The following ZNF410 variants were observed in gnomAD, a reference collection of about 807,000 sequenced individuals.
The protein encoded by ZNF410 is zinc finger protein 410, also known as another partner for ARF 1.
ZNF410 carries 18 observed loss-of-function variants against 54.8 expected under a neutral mutation model. The ratio of observed to expected loss-of-function variants is 0.33; its 90% CI spans 0.23 to 0.49. The LOEUF (loss-of-function observed/expected upper bound fraction) is 0.49, where lower values mean the gene tolerates loss of function less well. Ranked by LOEUF, ZNF410 falls within the 20% of genes least tolerant of loss-of-function variation. The pLI, the probability that ZNF410 is intolerant of heterozygous loss-of-function variation, is 0.99. For synonymous variants in ZNF410, 191 were observed against 207.3 expected (o/e 0.92, Z 0.68); for missense variants, 405 against 569.6 (o/e 0.71, Z 2.94).
At chr14:73,926,444 T>C (rs1436998293) in intron 11 of ZNF410, among the ~76,000 whole-genome samples, 3 of 152,148 alleles carry the variant, frequency 2.0e-5, no homozygotes, top group African/African-American at 2.4e-5. Flanking sequence ...GTTTTTGTTT[T>C]TGTTTTGAGA....
At chr14:73,905,911 A>G (rs2055475386) in intron 7 of ZNF410, among the ~76,000 whole-genome samples, 1 of 150,634 alleles carries the variant, frequency 6.6e-6, no homozygotes, top group Admixed American at 6.6e-5. Context: ...ACATATATAC[A>G]CATACATATA....
chr14:73,910,384 T>C (rs1000102421), intron 8 of ZNF410, among the ~76,000 whole-genome samples: 52 of 152,174 alleles, frequency 3.4e-4, no homozygotes, highest in African/African-American at 1.2e-3. Context: ...AATGATTGGC[T>C]GGCTATAAAG....
At chr14:73,931,431 CTT>C (rs2055913335) in intron 11 of ZNF410, 70 bp from the exon 12 acceptor site, 2 of 1,403,836 alleles carry the variant, frequency 1.4e-6, no homozygotes, top group African/African-American at 1.4e-5. Context: ...ACTCTTAATA[CTT>C]TTTACTATGA....
At chr14:73,911,321 G>A (rs961632838) in intron 8 of ZNF410, among the ~76,000 whole-genome samples, 2 of 152,170 alleles carry the variant, frequency 1.3e-5, no homozygotes, top group Non-Finnish European at 2.9e-5. Context: ...ATGACTGGCC[G>A]TGGGAAACAA....
rs762289142 is a variant in ZNF410, at chr14:73,892,144, C to T, written c.-32C>T. 1.2e-6 allele frequency: 2 copies of T among 1,613,590 alleles called. No individual in the cohort carries two copies. Among genetic ancestry groups the T allele is most frequent in the South Asian group, 2.2e-5 (2 of 91,060 alleles). On this transcript the variant is annotated 5_prime_UTR_variant, in exon 2 of 12. Coordinates refer to ENST00000555044, the MANE Select transcript of ZNF410 (RefSeq NM_021188.3). ...TCTGAATTAAATTTGAACTTGTCCC[C>T]TGAATAGCTACAGGTTTTGGAAGCT... is the stretch of plus-strand genomic sequence containing the variant.
intron 11 of ZNF410, chr14:73,927,832 A>ATTTT (rs11461357): frequency 7.3e-4 from 105 of 143,490 alleles, no homozygotes; most frequent in African/African-American, 2.3e-3. Flanking sequence ...TCAACCGGCA[A>ATTTT]TTTTTTTTTT....
rs1206199321 is a variant in ZNF410 at position 73,898,273 on chromosome 14, T to C, written c.580+11T>C. The stretch of plus-strand genomic sequence containing the variant: ...AAACCAGCAGCAATGGTGAGGCCCG[T>C]CGGCATTTTCCTTGCCACTATTCTG... On this transcript the variant is annotated intron_variant, in intron 5 of 11. Coordinates refer to ENST00000555044, the MANE Select transcript of ZNF410 (RefSeq NM_021188.3). The C allele has an allele frequency of 1.2e-6, 2 of 1,613,892 alleles. No individual in the cohort carries two copies. Among genetic ancestry groups the C allele is most frequent in the Non-Finnish European group, 1.7e-6 (2 of 1,179,838 alleles).
chr14:73,889,799 T>C (rs978768271), intron 1 of ZNF410, among the ~76,000 whole-genome samples: 14 of 92,542 alleles, frequency 1.5e-4, no homozygotes, highest in African/African-American at 4.0e-4. Context: ...TGGTTAGTTT[T>C]TTTTTTTTTT....
intron 7 of ZNF410, among the ~76,000 whole-genome samples, chr14:73,905,832 T>C (rs892043692): frequency 2.6e-5 from 4 of 151,666 alleles, no homozygotes; most frequent in African/African-American, 4.8e-5. Flanking sequence ...ATATATGGCA[T>C]ATATAAAATG....
Position 73,908,605 on chromosome 14 carries a change from C to T in ZNF410, c.914-736C>T, listed in dbSNP as rs2055528095. On this transcript the variant is annotated intron_variant, in intron 7 of 11. Transcript: ENST00000555044. ...AGCTCCCATATTGTCACTGTGCCAG[C>T]CTTACTAGCCATTTTCTGAACTTTC... Among the ~76,000 whole-genome samples the T allele has an allele frequency of 2.6e-5, 4 of 152,160 alleles. 1 individual carries two copies. In the South Asian group the frequency reaches 8.3e-4, roughly 32 times the overall value.
At chr14:73,897,971 CAAAAAAA>C in intron 4 of ZNF410, 93 bp from the exon 5 acceptor site, 5 of 685,840 alleles carry the variant, frequency 7.3e-6, no homozygotes, top group Admixed American at 8.0e-5. Context: ...GACGCCGTCT[CAAAAAAA>C]AAAAAAAAAA....
At chr14:73,920,508 C>G (rs1429562728) in intron 8 of ZNF410, 1 of 154,450 alleles carries the variant, frequency 6.5e-6, no homozygotes, top group Non-Finnish European at 1.4e-5. Context: ...GAGTTTGGGA[C>G]TTGAAGACAT....
At chr14:73,900,013 T>C (rs1037906579) in intron 5 of ZNF410, among the ~76,000 whole-genome samples, 78 of 152,030 alleles carry the variant, frequency 5.1e-4, no homozygotes, top group Non-Finnish European at 7.9e-4. Context: ...CTGACCAACG[T>C]GGAGAAATCC....
intron 5 of ZNF410, among the ~76,000 whole-genome samples, chr14:73,898,759 A>G (rs956461903): frequency 5.3e-5 from 8 of 152,214 alleles, no homozygotes; most frequent in African/African-American, 1.9e-4. Flanking sequence ...ATTAGCTATG[A>G]TGGTTTTAAT....
At chr14:73,892,005 C>A (rs1477452151) in intron 1 of ZNF410, 22 bp from the exon 2 acceptor site, 1 of 757,196 alleles carries the variant, frequency 1.3e-6, no homozygotes, top group South Asian at 1.4e-5. Context: ...TGCCCCCTCT[C>A]TCTTTTTTAC....
chr14:73,890,590 G>A (rs528654586), intron 1 of ZNF410, among the ~76,000 whole-genome samples: 2 of 152,146 alleles, frequency 1.3e-5, no homozygotes, highest in South Asian at 4.1e-4. Context: ...TACCCATCCT[G>A]GATACATTTT....
chr14:73,932,313 TCTTA>T lies in ZNF410; in HGVS notation c.*773_*776del, dbSNP rs1195405956. 5.9e-6 allele frequency: 2 copies of T among 341,578 alleles called. No individual in the cohort carries two copies. The highest frequency in any genetic ancestry group is 4.3e-5 in the African/African-American group (2 of 46,204). 21.2% of individuals were successfully genotyped at this position (341,578 alleles called of 1,614,324 possible). ...CTCTTGTTTTATACAAAATTTGTTT[TCTTA>T]GAGATTAAGAATTTAATCTTTCCCT... On this transcript the variant is annotated 3_prime_UTR_variant, in exon 12 of 12. Coordinates refer to ENST00000555044, the MANE Select transcript of ZNF410 (RefSeq NM_021188.3).
rs1472447491 is a variant in ZNF410 at position 73,932,443 on chromosome 14, G to GTGAT, written c.*903_*906dup. 1 of 454,124 alleles carries GTGAT rather than the reference G, an allele frequency of 2.2e-6. No individual in the cohort carries two copies. The highest frequency in any genetic ancestry group is 4.4e-6 in the Non-Finnish European group (1 of 226,574). The allele number at this position is 454,124 out of a possible 1,614,324, so 28.1% of individuals were successfully genotyped here. On this transcript the variant is annotated 3_prime_UTR_variant, in exon 12 of 12. Coordinates refer to ENST00000555044, the MANE Select transcript of ZNF410 (RefSeq NM_021188.3). ...GAACATCTTCATTTCTTAAGCCCAG[G>GTGAT]TGATAGTTACTCTGTCACCACCAAA...
chr14:73,923,675 A>G, intron 11 of ZNF410, 153 bp downstream of exon 11: 1 of 1,044,438 alleles, frequency 9.6e-7, no homozygotes, highest in Non-Finnish European at 1.4e-6. Flanking sequence ...GCTTGAAAGG[A>G]GCCTGAGGGT....
Sources: gnomAD v4.1 joint callset for allele counts (sites outside exome capture counted in the v4.1 genomes callset) on GRCh38, gnomAD v4.1.1 for gene constraint, MANE v1.5 for transcripts, NCBI Gene and HGNC (gene_info 2026-07-23, HGNC 2026-07-21) for gene names.